EPHB1: variants seen among roughly 807,000 people sequenced by gnomAD.
The protein encoded by EPHB1 is ephrin type-B receptor 1.
A neutral mutation model predicts 94.4 loss-of-function variants in EPHB1; 30 were observed. That is an observed-to-expected ratio of 0.32 (90% CI 0.24 to 0.43). The LOEUF is 0.43. Among genes scored for constraint, EPHB1 ranks in the 20% least tolerant of loss-of-function variants. The pLI is 1.00. For missense variants in EPHB1, 1,055 were observed against 1,308.3 expected (o/e 0.81, Z 2.99); for synonymous variants, 522 against 489.1 (o/e 1.07, Z -0.89).
At chr3:135,044,556 G>A (rs139771408) in intron 3 of EPHB1, among the ~76,000 whole-genome samples, 3 of 152,242 alleles carry the variant, frequency 2.0e-5, no homozygotes, top group Non-Finnish European at 2.9e-5. Flanking sequence ...TGTTTAATAC[G>A]GAGCCCACTG....
At chr3:134,907,445 T>C (rs2038356339) in intron 1 of EPHB1, among the ~76,000 whole-genome samples, 1 of 152,236 alleles carries the variant, frequency 6.6e-6, no homozygotes, top group South Asian at 2.1e-4. Context: ...CAGTTGTCTC[T>C]GGCCATTACC....
chr3:135,063,217 G>A (rs901614262), intron 3 of EPHB1, among the ~76,000 whole-genome samples: 2 of 152,122 alleles, frequency 1.3e-5, no homozygotes, highest in Non-Finnish European at 2.9e-5. Flanking sequence ...TTCTAATTCT[G>A]TGAAGAATGT....
chr3:134,845,711 A>G (rs1253871673), intron 1 of EPHB1, among the ~76,000 whole-genome samples: 1 of 152,194 alleles, frequency 6.6e-6, no homozygotes, highest in Non-Finnish European at 1.5e-5. Context: ...ACGGTTATAT[A>G]CATGCTCACA....
At chr3:135,240,437 G>A (rs1393342214) in intron 12 of EPHB1, among the ~76,000 whole-genome samples, 1 of 152,158 alleles carries the variant, frequency 6.6e-6, no homozygotes, top group African/African-American at 2.4e-5. Context: ...GGGATTGGAG[G>A]CAAGAAGGAG....
chr3:134,895,035 C>G (rs2038060567), intron 1 of EPHB1, among the ~76,000 whole-genome samples: 1 of 152,236 alleles, frequency 6.6e-6, no homozygotes, highest in South Asian at 2.1e-4. Flanking sequence ...AGGCTTTTCA[C>G]TCTCTCATGC....
At chr3:134,842,002 T>C (rs937079945) in intron 1 of EPHB1, among the ~76,000 whole-genome samples, 8 of 152,328 alleles carry the variant, frequency 5.3e-5, no homozygotes, top group Non-Finnish European at 4.4e-5. Flanking sequence ...TGTAGTCTGA[T>C]TGTGATCCCC....
intron 1 of EPHB1, among the ~76,000 whole-genome samples, chr3:134,828,872 C>G (rs1333752125): frequency 6.6e-6 from 1 of 152,182 alleles, no homozygotes; most frequent in African/African-American, 2.4e-5. Flanking sequence ...GATGCCACCC[C>G]AAGATTTCCT....
At chr3:135,241,347 C>G (rs1559887626) in intron 13 of EPHB1, 50 bp downstream of exon 13, 1 of 1,608,166 alleles carries the variant, frequency 6.2e-7, no homozygotes, top group Non-Finnish European at 8.5e-7. Flanking sequence ...GAAGGGATCC[C>G]AAAGGCAGTA....
intron 3 of EPHB1, among the ~76,000 whole-genome samples, chr3:135,013,912 T>A (rs188139072): frequency 6.6e-6 from 1 of 152,038 alleles, no homozygotes; most frequent in Non-Finnish European, 1.5e-5. Flanking sequence ...AGGTTGAAGA[T>A]GAGATTCTAT....
intron 3 of EPHB1, among the ~76,000 whole-genome samples, chr3:134,976,978 T>C (rs1934217587): frequency 6.6e-6 from 1 of 152,198 alleles, no homozygotes; most frequent in Admixed American, 6.5e-5. Context: ...ACTCTGACAA[T>C]TTTTATTTGA....
At chr3:135,233,565 A>G (rs553168305) in intron 12 of EPHB1, among the ~76,000 whole-genome samples, 2 of 152,254 alleles carry the variant, frequency 1.3e-5, no homozygotes, top group South Asian at 4.2e-4. Flanking sequence ...CGGATCTACC[A>G]TTCTAGGGTC....
chr3:135,132,630 G>A (rs1183716047), intron 4 of EPHB1, 84 bp from the exon 5 acceptor site: 9 of 1,275,978 alleles, frequency 7.1e-6, no homozygotes, highest in Non-Finnish European at 9.7e-6. Context: ...GATGAGGTTG[G>A]GAATGCACCA....
intron 1 of EPHB1, among the ~76,000 whole-genome samples, chr3:134,816,489 T>C (rs1011320426): frequency 6.6e-6 from 1 of 152,174 alleles, no homozygotes; most frequent in African/African-American, 2.4e-5. Flanking sequence ...CTCCCAGTTA[T>C]GGCCTCTGTG....
At chr3:134,976,585 A>G (rs1354921992) in intron 3 of EPHB1, among the ~76,000 whole-genome samples, 3 of 152,180 alleles carry the variant, frequency 2.0e-5, no homozygotes, top group Non-Finnish European at 4.4e-5. Context: ...ATCTCAGCTT[A>G]GGGTTCACTT....
At chr3:135,135,957 G>A (rs988815322) in intron 5 of EPHB1, among the ~76,000 whole-genome samples, 1 of 152,086 alleles carries the variant, frequency 6.6e-6, no homozygotes, top group Non-Finnish European at 1.5e-5. Context: ...GGAATTGTGT[G>A]GACTCATTTA....
At chr3:135,027,162 A>G (rs1936214502) in intron 3 of EPHB1, among the ~76,000 whole-genome samples, 1 of 151,174 alleles carries the variant, frequency 6.6e-6, no homozygotes, top group Non-Finnish European at 1.5e-5. Flanking sequence ...ATCTGCAAAC[A>G]GGGACAATTT....
intron 1 of EPHB1, among the ~76,000 whole-genome samples, chr3:134,899,378 G>T (rs1158681436): frequency 6.6e-6 from 1 of 152,050 alleles, no homozygotes; most frequent in Non-Finnish European, 1.5e-5. Context: ...TTCTACACTG[G>T]GCAGCTTGTT....
chr3:135,130,466 G>A (rs1940378752), intron 4 of EPHB1, among the ~76,000 whole-genome samples: 1 of 152,196 alleles, frequency 6.6e-6, no homozygotes, highest in Admixed American at 6.5e-5. Flanking sequence ...GTAAGTGTAG[G>A]CTCTTGTTTG....
At chr3:135,036,118 A>G (rs1369945907) in intron 3 of EPHB1, among the ~76,000 whole-genome samples, 1 of 152,204 alleles carries the variant, frequency 6.6e-6, no homozygotes, top group Non-Finnish European at 1.5e-5. Context: ...TACTGAGGAC[A>G]GAGAGGTAAG....
Sources: allele counts gnomAD v4.1 joint callset (sites outside exome capture counted in the v4.1 genomes callset), GRCh38; gene constraint gnomAD v4.1.1; transcripts MANE v1.5; gene names NCBI Gene and HGNC (gene_info 2026-07-23, HGNC 2026-07-21).